The following ZNF726 variants were observed in gnomAD, a reference collection of about 807,000 sequenced individuals.
ZNF726 encodes the protein zinc finger protein 726.
In ZNF726, 15 loss-of-function variants were observed where a neutral mutation model predicts 11.6. The observed-to-expected ratio is 1.29, with a 90% confidence interval of 0.86 to 1.99. The LOEUF is 1.99. Ranked by LOEUF, ZNF726 falls within the 30% of genes most tolerant of loss-of-function variation. The pLI, the probability that ZNF726 is intolerant of heterozygous loss-of-function variation, is 0.00. For missense variants in ZNF726, 890 were observed against 725.6 expected, an observed-to-expected ratio of 1.23 and a Z score of -2.60; for synonymous variants, 295 against 243.6, an observed-to-expected ratio of 1.21 and a Z score of -1.96.
In ZNF726 at chr19:23,932,331, AT is replaced by A. The variant is rs746012132; in HGVS notation, c.227-3del. 9.6e-5 allele frequency: 126 copies of A among 1,313,026 alleles called. No homozygotes were observed. Among genetic ancestry groups the A allele is most frequent in the Admixed American group, 2.1e-4 (6 of 28,574 alleles). The allele number at this position is 1,313,026 out of a possible 1,614,324, so 81.3% of individuals were successfully genotyped here. ...ATAGTAAGTGGAGTAAATTATTTTA[AT>A]TTTTTTTTAGGTATATGTCCTCATT... On this transcript the variant is annotated splice_polypyrimidine_tract_variant and intron_variant, in intron 3 of 3. Transcript: ENST00000594466.
intron 3 of ZNF726, among the ~76,000 whole-genome samples, chr19:23,931,736 G>A (rs909699539): frequency 4.6e-5 from 7 of 152,128 alleles, no homozygotes; most frequent in Non-Finnish European, 7.4e-5. Context: ...TCAGTTTTTA[G>A]TTAAGAGAGT....
intron 1 of ZNF726, among the ~76,000 whole-genome samples, chr19:23,915,883 A>C (rs548246956): frequency 6.6e-6 from 1 of 152,244 alleles, no homozygotes; most frequent in South Asian, 2.1e-4. Context: ...CCCCCGTCCT[A>C]GTTCTTAATT....
chr19:23,941,557 C>A (rs1968339217), intron 3 of ZNF726, among the ~76,000 whole-genome samples: 1 of 151,978 alleles, frequency 6.6e-6, no homozygotes, highest in Non-Finnish European at 1.5e-5. Flanking sequence ...GTATTGGTAC[C>A]AATTCTTTGA....
At chr19:23,939,370 A>T (rs774463794), downstream of ZNF726, among the ~76,000 whole-genome samples, 1 of 152,146 alleles carries the variant, frequency 6.6e-6, no homozygotes, top group African/African-American at 2.4e-5. Flanking sequence ...TTGTTGATTG[A>T]TGGGCATTTT....
chr19:23,939,243 A>G (rs1309874171), downstream of ZNF726, among the ~76,000 whole-genome samples: 1 of 151,902 alleles, frequency 6.6e-6, no homozygotes, highest in African/African-American at 2.4e-5. Context: ...TTCCTCAGTT[A>G]CTTCACTTAG....
chr19:23,920,027 GAAAGAA>G lies in ZNF726; in HGVS notation c.177_182del (p.Lys60_Glu61del). On this transcript the variant is annotated inframe_deletion, in exon 3 of 4. Coordinates refer to ENST00000594466, the MANE Select transcript of ZNF726 (RefSeq NM_001244038.2). ...AGCCAGACCTCATCATCTGTCTGGA[GAAAGAA>G]AAAGAGCCCTGGAATATGAAGCGAG... is the stretch of plus-strand genomic sequence containing the variant. 1 of 1,589,634 alleles carries G rather than the reference GAAAGAA, an allele frequency of 6.3e-7. No individual in the cohort carries two copies. Among genetic ancestry groups the G allele is most frequent in the Non-Finnish European group, 8.6e-7 (1 of 1,165,912 alleles).
At chr19:23,937,496 C>A (rs1228418850), downstream of ZNF726, among the ~76,000 whole-genome samples, 1 of 152,044 alleles carries the variant, frequency 6.6e-6, no homozygotes. Context: ...ACGCTCCTCA[C>A]ATCCCGGACA....
At position 23,919,459 on chromosome 19, in the gene ZNF726, G is replaced by T; in HGVS notation, c.90G>T (p.Arg30Ser). ...CLDTAQKNLY[R>S]NVMLENYRNL... Reference sequence around the variant, plus strand: ...ACACTGCACAGAAGAATTTATATAGGAATGTGATGTTAGAGAACTACAGAA... The same window carrying T: ...ACACTGCACAGAAGAATTTATATAGTAATGTGATGTTAGAGAACTACAGAA... The change falls in exon 2 of 4, where the codon AGG becomes AGT. Residue 30 changes from arginine to serine, a missense_variant. Coordinates refer to ENST00000594466, the MANE Select transcript of ZNF726 (RefSeq NM_001244038.2). The T allele has an allele frequency of 6.2e-7, 1 of 1,606,876 alleles. No homozygotes were observed. The highest frequency in any genetic ancestry group is 8.5e-7 in the Non-Finnish European group (1 of 1,176,146).
At chr19:23,915,341 G>C (rs1286819432) in intron 1 of ZNF726, among the ~76,000 whole-genome samples, 5 of 152,158 alleles carry the variant, frequency 3.3e-5, no homozygotes, top group Non-Finnish European at 5.9e-5. Context: ...TCATGAATGG[G>C]AAGAGCTTTG....
At chr19:23,932,185 G>T (rs1030130777) in intron 3 of ZNF726, among the ~76,000 whole-genome samples, 158 bp from the exon 4 acceptor site, 2 of 152,018 alleles carry the variant, frequency 1.3e-5, no homozygotes, top group African/African-American at 4.8e-5. Flanking sequence ...TGGTTTGTAA[G>T]TTTTTGTTAC....
intron 3 of ZNF726, among the ~76,000 whole-genome samples, chr19:23,941,128 C>T (rs780811623): frequency 1.4e-4 from 21 of 152,112 alleles, no homozygotes; most frequent in Non-Finnish European, 2.9e-4. Flanking sequence ...TCATAGATAG[C>T]TTTTATTACA....
At chr19:23,925,713 CTTTT>C (rs1207103965) in intron 3 of ZNF726, among the ~76,000 whole-genome samples, 1 of 112,598 alleles carries the variant, frequency 8.9e-6, no homozygotes, top group Non-Finnish European at 1.8e-5. Flanking sequence ...TTTTTCTTTT[CTTTT>C]TTTTTTTTTT....
chr19:23,921,964 A>G (rs1967864089), intron 3 of ZNF726, among the ~76,000 whole-genome samples: 1 of 152,228 alleles, frequency 6.6e-6, no homozygotes, highest in Non-Finnish European at 1.5e-5. Flanking sequence ...AATTTGAAGG[A>G]GCAAACACCT....
In ZNF726 at chr19:23,933,038, A is replaced by G. The variant is rs1203579633; in HGVS notation, c.922A>G (p.Ile308Val). The G allele has an allele frequency of 3.1e-6, 5 of 1,613,580 alleles. No individual in the cohort carries two copies. The highest frequency in any genetic ancestry group is 4.2e-6 in the Non-Finnish European group (5 of 1,179,964). ...SALTIHKRMH[I>V]GEKPYKCEEC... ...ACTAACCATACATAAGAGGATGCAC[A>G]TTGGAGAGAAACCCTACAAATGTGA... is the stretch of plus-strand genomic sequence containing the variant. Residue 308 changes from isoleucine to valine, a missense_variant, in exon 4 of 4, where the codon ATT becomes GTT. Transcript: ENST00000594466.
intron 3 of ZNF726, among the ~76,000 whole-genome samples, chr19:23,940,502 A>G (rs78173509): frequency 0.031 from 4,770 of 152,076 alleles, 125 homozygotes; most frequent in South Asian, 0.043. Context: ...TGAATGTTAG[A>G]ATCGTTTTTT....
chr19:23,937,260 G>A (rs1351414397), downstream of ZNF726, among the ~76,000 whole-genome samples: 6 of 151,430 alleles, frequency 4.0e-5, no homozygotes, highest in African/African-American at 9.7e-5. Context: ...CCTCCCAGCC[G>A]GGGCGGCTGG....
At chr19:23,918,383 C>A (rs533404544) in intron 1 of ZNF726, among the ~76,000 whole-genome samples, 22 of 152,296 alleles carry the variant, frequency 1.4e-4, no homozygotes, top group African/African-American at 5.3e-4. Flanking sequence ...TCTGAAAAAA[C>A]TGTCGGGAGA....
chr19:23,938,988 C>A (rs1157967539), downstream of ZNF726, among the ~76,000 whole-genome samples: 1 of 151,452 alleles, frequency 6.6e-6, no homozygotes, highest in African/African-American at 2.4e-5. Flanking sequence ...TTTCATTGTT[C>A]CATTTATTGG....
chr19:23,928,717 C>T (rs369451322), intron 3 of ZNF726: 13 of 152,258 alleles, frequency 8.5e-5, no homozygotes, highest in South Asian at 8.3e-4. Flanking sequence ...AAATGAGTCC[C>T]TTGTAGGTGG....
Sources: allele counts gnomAD v4.1 joint callset (sites outside exome capture counted in the v4.1 genomes callset), GRCh38; gene constraint gnomAD v4.1.1; transcripts MANE v1.5; gene names NCBI Gene and HGNC (gene_info 2026-07-23, HGNC 2026-07-21).